SLC6A9: variants seen among roughly 807,000 people sequenced by gnomAD.
SLC6A9 encodes sodium- and chloride-dependent glycine transporter 1.
SLC6A9 carries 31 observed loss-of-function variants against 70.9 expected under a neutral mutation model. That is an observed-to-expected ratio of 0.44 (90% confidence interval 0.33 to 0.59). The LOEUF is 0.59. Ranked by LOEUF, SLC6A9 falls within the 20% of genes least tolerant of loss-of-function variation. The pLI is 0.04. For missense variants in SLC6A9, 631 were observed against 845.2 expected, an observed-to-expected ratio of 0.75 and a Z score of 3.14; for synonymous variants, 310 against 341.3, an observed-to-expected ratio of 0.91 and a Z score of 1.01.
intron 5 of SLC6A9, among the ~76,000 whole-genome samples, chr1:44,005,839 CA>C (rs2086287680): frequency 6.6e-6 from 1 of 152,260 alleles, no homozygotes; most frequent in African/African-American, 2.4e-5. Context: ...GAGAGGGCAG[CA>C]GGGAGCCGTG....
chr1:43,997,996 G>T lies in SLC6A9; in HGVS notation c.1566C>A (p.Tyr522Ter). Reference sequence around the variant, plus strand: ...GGTAGTGGTTGTAGGTGATCGGCTGGTACTGGATCACAGTGAAAACTAGAA... The same window carrying T: ...GGTAGTGGTTGTAGGTGATCGGCTGTTACTGGATCACAGTGAAAACTAGAA... ...FFILVFTVIQYQPITYNHYQY... is the reference protein window; with the variant it reads ...FFILVFTVIQ The change falls in exon 13 of 14, where the codon TAC becomes TAA. Residue 522 changes from tyrosine (Y) to a stop codon, truncating the protein, a stop_gained. Coordinates refer to ENST00000372310, the MANE Select transcript of SLC6A9 (RefSeq NM_001024845.3). LOFTEE classifies it high-confidence loss of function. The surrounding 1 kb of genome is among the most constrained non-coding windows in gnomAD (Gnocchi z 4.4). 1 of 1,613,904 alleles carries T rather than the reference G, an allele frequency of 6.2e-7. No homozygotes were observed. The highest frequency in any genetic ancestry group is 1.1e-5 in the South Asian group (1 of 91,068).
intron 1 of SLC6A9, among the ~76,000 whole-genome samples, chr1:44,027,313 T>C (rs1457230015): frequency 1.3e-5 from 2 of 152,202 alleles, no homozygotes; most frequent in African/African-American, 4.8e-5. Flanking sequence ...CTTAACCTCT[T>C]TGAGCCTTAG....
At chr1:44,027,384 C>T (rs764134755) in intron 1 of SLC6A9, among the ~76,000 whole-genome samples, 88 of 152,156 alleles carry the variant, frequency 5.8e-4, no homozygotes, top group Non-Finnish European at 3.8e-4. Flanking sequence ...AAGTTTCTGC[C>T]TAATTTTTAT....
chr1:44,016,917 C>G (rs2086764393), intron 2 of SLC6A9: 2 of 910,262 alleles, frequency 2.2e-6, no homozygotes, highest in Non-Finnish European at 3.2e-6. Flanking sequence ...TGGCTGGTGT[C>G]TGTCTTGCTT....
chr1:44,009,549 G>A (rs1356071338), intron 4 of SLC6A9, among the ~76,000 whole-genome samples: 1 of 152,062 alleles, frequency 6.6e-6, no homozygotes, highest in Non-Finnish European at 1.5e-5. Context: ...ATGTTGGTCA[G>A]GCTGGTCTCA....
At chr1:44,022,536 C>G (rs2086901924) in intron 2 of SLC6A9, among the ~76,000 whole-genome samples, 1 of 151,994 alleles carries the variant, frequency 6.6e-6, no homozygotes, top group South Asian at 2.1e-4. Flanking sequence ...TTGGTTCAAT[C>G]AGACTTGCTC....
chr1:44,030,537 G>T (rs1362085550), intron 1 of SLC6A9: 1 of 152,350 alleles, frequency 6.6e-6, no homozygotes, highest in Non-Finnish European at 1.5e-5. Context: ...GCGGCCGCCC[G>T]GCCCCGCCCT....
chr1:44,020,593 C>T (rs1292159293), intron 2 of SLC6A9, among the ~76,000 whole-genome samples: 1 of 152,190 alleles, frequency 6.6e-6, no homozygotes, highest in East Asian at 1.9e-4. Flanking sequence ...AGGTGAGTGC[C>T]CAGGCAGGGA....
chr1:44,019,426 G>A (rs562544036), intron 2 of SLC6A9, among the ~76,000 whole-genome samples: 1 of 152,366 alleles, frequency 6.6e-6, no homozygotes, highest in South Asian at 2.1e-4. Context: ...CACTGAGCCA[G>A]CCTCATGCGC....
intron 2 of SLC6A9, among the ~76,000 whole-genome samples, chr1:44,019,090 C>T (rs760126572): frequency 5.9e-5 from 9 of 152,108 alleles, no homozygotes; most frequent in African/African-American, 7.2e-5. Flanking sequence ...ATCTCTAAAA[C>T]GGGGAAACCA....
intron 2 of SLC6A9, among the ~76,000 whole-genome samples, chr1:44,019,573 G>A (rs2086842543): frequency 1.3e-5 from 2 of 152,262 alleles, no homozygotes; most frequent in South Asian, 4.1e-4. Flanking sequence ...TGGGCTCTGG[G>A]CTCTGGCTGC....
At chr1:44,008,143 C>T (rs993314818) in intron 5 of SLC6A9, among the ~76,000 whole-genome samples, 4 of 152,218 alleles carry the variant, frequency 2.6e-5, no homozygotes, top group African/African-American at 9.6e-5. Context: ...GCTGGGATTA[C>T]AGGCATGAGC....
Position 43,997,532 on chromosome 1 carries a change from C to G in SLC6A9, c.*13G>C. On this transcript the variant is annotated 3_prime_UTR_variant, in exon 14 of 14. Coordinates refer to ENST00000372310, the MANE Select transcript of SLC6A9 (RefSeq NM_001024845.3). The surrounding 1 kb of genome is among the most constrained non-coding windows in gnomAD (Gnocchi z 4.4). ...ACGGGGTGGGGGTGGGGCCACTCCC[C>G]TGGCAGCTGTGCTCATATCCGGGAG... The G allele has an allele frequency of 1.2e-6, 2 of 1,611,346 alleles. No homozygotes were observed. The highest frequency in any genetic ancestry group is 1.7e-6 in the Non-Finnish European group (2 of 1,178,602).
intron 1 of SLC6A9, chr1:44,030,322 G>A (rs1211748200): frequency 6.6e-6 from 1 of 152,064 alleles, no homozygotes; most frequent in Non-Finnish European, 1.5e-5. Context: ...CCCGGCCCCT[G>A]CGGTGGAAAA....
In SLC6A9 at chr1:44,002,324, A is replaced by G; in HGVS notation, c.951T>C (p.Asn317=). 1 of 1,612,356 alleles carries G rather than the reference A, an allele frequency of 6.2e-7. No individual in the cohort carries two copies. The stretch of plus-strand genomic sequence containing the variant: ...CAGGGAGCACTCACCGGTAACAGTT[A>G]TTGTGGAACTTGTTGTAGGAAGCCA... ...ITMASYNKFH[N]NCYRDSVIIS... The change falls in exon 8 of 14, where the codon AAT becomes AAC. Residue 317 remains asparagine, a synonymous_variant. Transcript: ENST00000372310. The surrounding 1 kb of genome is among the most constrained non-coding windows in gnomAD (Gnocchi z 5.5).
In SLC6A9 at chr1:44,010,000, C is replaced by G; in HGVS notation, c.284G>C (p.Cys95Ser). Residue 95 changes from cysteine (C) to serine (S), a missense_variant, in exon 4 of 14, where the codon TGC becomes TCC. Cys to Ser is a moderately radical substitution (Grantham distance 112, BLOSUM62 -1). Transcript: ENST00000372310. ...LSFGQFASQG[C>S]LGVWRISPMF... ...GGGGCTGATCCTCCAGACCCCCAGG[C>G]ACCCCTGGCTTGCAAACTGGCCGAA... 6.2e-7 allele frequency: 1 copy of G among 1,614,092 alleles called. No homozygotes were observed. Among genetic ancestry groups the G allele is most frequent in the Non-Finnish European group, 8.5e-7 (1 of 1,179,954 alleles).
intron 2 of SLC6A9, among the ~76,000 whole-genome samples, chr1:44,014,180 G>A (rs2086664953): frequency 6.6e-6 from 1 of 151,906 alleles, no homozygotes; most frequent in Non-Finnish European, 1.5e-5. Context: ...ACATCTCAGT[G>A]GGGAATTAAA....
rs1206718108 is a variant in SLC6A9 at position 43,997,565 on chromosome 1, G to C, written c.1882C>G (p.Leu628Val). The C allele has an allele frequency of 6.2e-7, 1 of 1,613,462 alleles. No homozygotes were observed. Among genetic ancestry groups the C allele is most frequent in the Non-Finnish European group, 8.5e-7 (1 of 1,179,960 alleles). ...PIVGSNGSSR[L>V]QDSRI is the part of the protein sequence containing the mutation. ...TGTGCTCATATCCGGGAGTCCTGGA[G>C]GCGGCTGGAGCCATTACTGCCCACA... Residue 628 changes from leucine to valine, a missense_variant, in exon 14 of 14, where the codon CTC (leucine) becomes GTC (valine). Transcript: ENST00000372310. The surrounding 1 kb of genome is among the most constrained non-coding windows in gnomAD (Gnocchi z 4.4).
At chr1:44,000,063 C>T (rs906657849) in intron 12 of SLC6A9, among the ~76,000 whole-genome samples, 1 of 152,206 alleles carries the variant, frequency 6.6e-6, no homozygotes, top group African/African-American at 2.4e-5. Context: ...GCTGTGTGAC[C>T]ATGGGCCAAT....
Sources: allele counts gnomAD v4.1 joint callset (sites outside exome capture counted in the v4.1 genomes callset), GRCh38; gene constraint gnomAD v4.1.1; non-coding constraint Gnocchi (gnomAD v3.1); transcripts MANE v1.5; gene names NCBI Gene and HGNC (gene_info 2026-07-23, HGNC 2026-07-21).